Variants in WASHC4 observed in about 807,000 individuals in gnomAD.
WASHC4 encodes WASH complex subunit 4.
Under a neutral mutation model 166.6 loss-of-function variants are expected in WASHC4, and 86 were observed. That is an observed-to-expected ratio of 0.52 (90% CI 0.43 to 0.62). The LOEUF is 0.62. Ranked by LOEUF, WASHC4 falls within the 20% of genes least tolerant of loss-of-function variation. The pLI is 0.00. For synonymous variants in WASHC4, 446 were observed against 451.6 expected (o/e 0.99, Z 0.16); for missense variants, 1,262 against 1,382.4 (o/e 0.91, Z 1.38).
chr12:105,156,820 T>A, intron 27 of WASHC4, 28 bp downstream of exon 27: 2 of 1,545,460 alleles, frequency 1.3e-6, no homozygotes, highest in Non-Finnish European at 1.8e-6. Flanking sequence ...ATTTTTGCCT[T>A]GTTTATGCCA....
At position 105,164,105 on chromosome 12, in the gene WASHC4, C is replaced by T; in HGVS notation, c.3158-6C>T. 1 of 1,613,934 alleles carries T rather than the reference C, an allele frequency of 6.2e-7. No individual in the cohort carries two copies. Among genetic ancestry groups the T allele is most frequent in the Non-Finnish European group, 8.5e-7 (1 of 1,179,856 alleles). ...AATTTAACCTTAGTTTTGCTTATGC[C>T]TGCAGGTGTGGCTTACATTCTAAAG... On this transcript the variant is annotated splice_region_variant and splice_polypyrimidine_tract_variant and intron_variant, in intron 30 of 32. Coordinates refer to ENST00000332180, the MANE Select transcript of WASHC4 (RefSeq NM_015275.3).
chr12:105,162,412 A>G lies in WASHC4; in HGVS notation c.3061-337A>G, dbSNP rs138524229. On this transcript the variant is annotated intron_variant, in intron 29 of 32. Transcript: ENST00000332180. ...TTAATATATGACTTTGGGTGAGATAATAAATCTCCCAAGCCTCGGTGTCCT... is the reference window on the plus strand; with the variant it reads ...TTAATATATGACTTTGGGTGAGATAGTAAATCTCCCAAGCCTCGGTGTCCT... 2.8e-3 allele frequency among the ~76,000 whole-genome samples: 421 copies of G among 152,316 alleles called. 2 individuals are homozygous for G. The highest frequency in any genetic ancestry group is 9.5e-3 in the African/African-American group (397 of 41,572).
chr12:105,115,712 T>G lies in WASHC4; in HGVS notation c.419T>G (p.Phe140Cys). The G allele has an allele frequency of 6.2e-7, 1 of 1,607,118 alleles. No individual in the cohort carries two copies. The highest frequency in any genetic ancestry group is 8.5e-7 in the Non-Finnish European group (1 of 1,173,822). The change falls in exon 6 of 33, where the codon TTT (phenylalanine) becomes TGT (cysteine). Residue 140 changes from phenylalanine to cysteine, a missense_variant. Physicochemically the swap from Phe to Cys is radical, Grantham distance 205. Transcript: ENST00000332180. ...GATTGCCAAATTCAAATGGGGAGAT[T>G]TATTTCATTCTTACAGGTAACTGAT... ...EGDCQIQMGR[F>C]ISFLQELSCF...
At chr12:105,140,852 T>C in intron 16 of WASHC4, 47 bp from the exon 17 acceptor site, 1 of 1,581,406 alleles carries the variant, frequency 6.3e-7, no homozygotes, top group Non-Finnish European at 8.7e-7. Context: ...TTCTGAGTCT[T>C]TTGTTACTGC....
At chr12:105,114,911 T>G (rs912380423) in intron 4 of WASHC4, among the ~76,000 whole-genome samples, 1 of 152,076 alleles carries the variant, frequency 6.6e-6, no homozygotes, top group Non-Finnish European at 1.5e-5. Context: ...TTGCTCTTTA[T>G]TTCCCATAAA....
Position 105,127,156 on chromosome 12 carries a change from A to G in WASHC4, c.1066A>G (p.Ile356Val), listed in dbSNP as rs777853164. The change falls in exon 13 of 33, where the codon ATT (isoleucine) becomes GTT (valine). Residue 356 changes from isoleucine (I) to valine (V), a missense_variant. Coordinates refer to ENST00000332180, the MANE Select transcript of WASHC4 (RefSeq NM_015275.3). ...ACCAGCCATCACTCTAACTGCTAATATTATTTGGTTTCCTGATAATTTTCT... is the reference window on the plus strand; with the variant it reads ...ACCAGCCATCACTCTAACTGCTAATGTTATTTGGTTTCCTGATAATTTTCT... ...KVPAITLTAN[I>V]IWFPDNFLIQ... 33 of 1,613,060 alleles carry G rather than the reference A, an allele frequency of 2.0e-5. No individual in the cohort carries two copies. Among genetic ancestry groups the G allele is most frequent in the Non-Finnish European group, 8.5e-7 (1 of 1,179,348 alleles).
At chr12:105,137,809 A>G in intron 14 of WASHC4, 77 bp from the exon 15 acceptor site, 5 of 1,216,816 alleles carry the variant, frequency 4.1e-6, no homozygotes, top group Non-Finnish European at 6.0e-6. Context: ...AAGTTGAGGA[A>G]TAGCTGCTGT....
intron 13 of WASHC4, among the ~76,000 whole-genome samples, chr12:105,129,780 T>C (rs927083004): frequency 6.6e-6 from 1 of 152,240 alleles, no homozygotes; most frequent in Non-Finnish European, 1.5e-5. Context: ...GTGGCTCCAG[T>C]AGGCTAAACT....
intron 29 of WASHC4, among the ~76,000 whole-genome samples, chr12:105,162,164 A>G (rs535122530): frequency 9.2e-5 from 14 of 152,344 alleles, no homozygotes; most frequent in African/African-American, 3.1e-4. Flanking sequence ...TGTAAGCTTC[A>G]GTAAATCTTT....
At chr12:105,155,323 G>A (rs1358586399) in intron 26 of WASHC4, 1 of 152,246 alleles carries the variant, frequency 6.6e-6, no homozygotes, top group African/African-American at 2.4e-5. Flanking sequence ...ATAAGGTTGG[G>A]GAGTAAGCCA....
Position 105,164,186 on chromosome 12 carries a change from A to G in WASHC4, c.3233A>G (p.Glu1078Gly). 6.2e-7 allele frequency: 1 copy of G among 1,614,138 alleles called. No homozygotes were observed. The highest frequency in any genetic ancestry group is 8.5e-7 in the Non-Finnish European group (1 of 1,179,994). ...DSLHWFQSVR[E>G]KYLKEIRAVA... ...CTTCACTGGTTCCAGTCTGTTAGAG[A>G]GAAATACCTGAAGGAGATAAGAGCA... Residue 1078 changes from glutamate to glycine, a missense_variant, in exon 31 of 33, where the codon GAG becomes GGG. Coordinates refer to ENST00000332180, the MANE Select transcript of WASHC4 (RefSeq NM_015275.3).
intron 7 of WASHC4, among the ~76,000 whole-genome samples, chr12:105,120,003 G>A (rs922846548): frequency 1.4e-4 from 22 of 152,276 alleles, no homozygotes; most frequent in African/African-American, 5.1e-4. Context: ...GGCAAGAGGC[G>A]GGAGGATAGC....
At position 105,115,174 on chromosome 12, in the gene WASHC4, T is replaced by C. The variant is rs1281896405; in HGVS notation, c.322-10T>C. 1 of 1,455,260 alleles carries C rather than the reference T, an allele frequency of 6.9e-7. No homozygotes were observed. The highest frequency in any genetic ancestry group is 9.6e-7 in the Non-Finnish European group (1 of 1,037,036). 90.1% of individuals were successfully genotyped at this position (1,455,260 alleles called of 1,614,324 possible). The stretch of plus-strand genomic sequence containing the variant: ...CTTTAAAATTATTTTAATTTTTTTC[T>C]TAAAAACAGGCTGAAACTAAATTTT... On this transcript the variant is annotated splice_polypyrimidine_tract_variant and intron_variant, in intron 4 of 32. Transcript: ENST00000332180.
At chr12:105,159,402 T>TAATACAAATCCA (rs1884357642) in intron 28 of WASHC4, among the ~76,000 whole-genome samples, 1 of 152,222 alleles carries the variant, frequency 6.6e-6, no homozygotes, top group Non-Finnish European at 1.5e-5. Context: ...ATCCTAATCC[T>TAATACAAATCCA]GCGTAATTGT....
intron 28 of WASHC4, among the ~76,000 whole-genome samples, 185 bp from the exon 29 acceptor site, chr12:105,159,816 T>C (rs557634957): frequency 7.9e-5 from 12 of 152,364 alleles, no homozygotes; most frequent in African/African-American, 2.9e-4. Flanking sequence ...CTAAATTTAC[T>C]AATATTGATC....
At chr12:105,160,511 T>A (rs1884431878) in intron 29 of WASHC4, among the ~76,000 whole-genome samples, 1 of 151,844 alleles carries the variant, frequency 6.6e-6, no homozygotes, top group South Asian at 2.1e-4. Context: ...CATGCCTAAT[T>A]TTGGTAATTT....
intron 30 of WASHC4, among the ~76,000 whole-genome samples, chr12:105,163,204 C>T (rs530900606): frequency 1.8e-4 from 28 of 152,194 alleles, no homozygotes; most frequent in Non-Finnish European, 2.4e-4. Flanking sequence ...GTGATCTGCC[C>T]GCCGCAGCCT....
Position 105,107,741 on chromosome 12 carries a change from G to T in WASHC4, c.-60G>T. 7.9e-7 allele frequency: 1 copy of T among 1,273,556 alleles called. No individual in the cohort carries two copies. Among genetic ancestry groups the T allele is most frequent in the Non-Finnish European group, 1.1e-6 (1 of 899,192 alleles). 78.9% of individuals were successfully genotyped at this position (1,273,556 alleles called of 1,614,324 possible). A position where few individuals can be genotyped will look rare whatever the true frequency, so the allele number is the denominator to read the frequency against. On this transcript the variant is annotated 5_prime_UTR_variant, in exon 1 of 33. Coordinates refer to ENST00000332180, the MANE Select transcript of WASHC4 (RefSeq NM_015275.3). ...GTCACGTGCTGTGACAGTAGCTGGGGTGAGGCCGTCGTCGCCGCACGGGCT... is the reference window on the plus strand; with the variant it reads ...GTCACGTGCTGTGACAGTAGCTGGGTTGAGGCCGTCGTCGCCGCACGGGCT...
At position 105,143,150 on chromosome 12, in the gene WASHC4, CTG is replaced by C; in HGVS notation, c.1921_1922del (p.Val641ThrfsTer13). 1.9e-6 allele frequency: 3 copies of C among 1,610,398 alleles called. No individual in the cohort carries two copies. Among genetic ancestry groups the C allele is most frequent in the Non-Finnish European group, 2.5e-6 (3 of 1,177,036 alleles). ...AGTACATGTTCAGTGCTTTGCGCGA[CTG>C]TGTACCTGCTATGATGCATGCAAGG... ...LHYMFSALRD[C>X]VPAMMHARHL... On this transcript the variant is annotated frameshift_variant, in exon 20 of 33. Transcript: ENST00000332180. LOFTEE classifies it high-confidence loss of function.
Sources: gnomAD v4.1 joint callset for allele counts (sites outside exome capture counted in the v4.1 genomes callset) on GRCh38, gnomAD v4.1.1 for gene constraint, MANE v1.5 for transcripts, NCBI Gene and HGNC (gene_info 2026-07-23, HGNC 2026-07-21) for gene names.